The following FAM83H variants were observed in gnomAD, a reference collection of about 807,000 sequenced individuals.
The protein encoded by FAM83H is protein FAM83H.
Under a neutral mutation model 30.2 loss-of-function variants are expected in FAM83H, and 24 were observed. That is an observed-to-expected ratio of 0.79 (90% confidence interval 0.57 to 1.12). FAM83H has a LOEUF of 1.12. Among genes scored for constraint, FAM83H ranks in the 50% most tolerant of loss-of-function variants. The probability of loss-of-function intolerance (pLI) is 0.00; values close to 1 mark genes in which losing one functional copy is unlikely to be tolerated. For missense variants in FAM83H, 2,038 were observed against 1,773.9 expected (o/e 1.15, Z -2.67); for synonymous variants, 1,013 against 821.7 (o/e 1.23, Z -3.98).
rs189033490 is a variant in FAM83H, at chr8:143,729,170, G to A, written c.601C>T (p.Gln201Ter). 2.4e-3 allele frequency: 3,876 copies of A among 1,613,740 alleles called. 7 individuals are homozygous for A. Among genetic ancestry groups the A allele is most frequent in the Non-Finnish European group, 3.0e-3 (3,518 of 1,180,020 alleles). The stretch of plus-strand genomic sequence containing the variant: ...TCCCGGGAACTCACATCCACGTGCT[G>A]CAGGTTGACACGGCACTTGTCGGCC... ...DMADKCRVNL[Q>*]HVDFLRVRTV... Residue 201 changes from glutamine to a stop codon, truncating the protein, a stop_gained, in exon 3 of 5, where the codon CAG becomes TAG. Coordinates refer to ENST00000388913, the MANE Select transcript of FAM83H (RefSeq NM_198488.5). LOFTEE classifies it high-confidence loss of function.
At position 143,728,511 on chromosome 8, in the gene FAM83H, G is replaced by A; in HGVS notation, c.950C>T (p.Pro317Leu). The A allele has an allele frequency of 6.4e-7, 1 of 1,557,796 alleles. No individual in the cohort carries two copies. Among genetic ancestry groups the A allele is most frequent in the South Asian group, 1.2e-5 (1 of 85,190 alleles). The change falls in exon 5 of 5, where the codon CCA becomes CTA. Residue 317 changes from proline to leucine, a missense_variant. Transcript: ENST00000388913. ...TCGTTTAGGGAAGGAGAAGGGGGTTGGCGCCCCGACCCCAGGGACGCCCAC... is the reference window on the plus strand; with the variant it reads ...TCGTTTAGGGAAGGAGAAGGGGGTTAGCGCCCCGACCCCAGGGACGCCCAC... ...PLVGVPGVGA[P>L]TPFSFPKRAH...
At position 143,733,128 on chromosome 8, in the gene FAM83H, G is replaced by C. The variant is rs1346800968; in HGVS notation, c.-16+563C>G. 2 of 154,336 alleles carry C rather than the reference G, an allele frequency of 1.3e-5. No homozygotes were observed. Among genetic ancestry groups the C allele is most frequent in the East Asian group, 3.9e-4 (2 of 5,176 alleles). The allele number at this position is 154,336 out of a possible 1,614,324, so 9.6% of individuals were successfully genotyped here. A position where few individuals can be genotyped will look rare whatever the true frequency, so the allele number is the denominator to read the frequency against. ...ACCGGAAGTCGCTCAGTGATAACTTGCGGAGTGGGCACCCCAGCCCCCAAC... is the reference window on the plus strand; with the variant it reads ...ACCGGAAGTCGCTCAGTGATAACTTCCGGAGTGGGCACCCCAGCCCCCAAC... On this transcript the variant is annotated intron_variant, in intron 1 of 4. Coordinates refer to ENST00000388913, the MANE Select transcript of FAM83H (RefSeq NM_198488.5). This position sits in a 1 kb window ranked among gnomAD's most constrained non-coding sequence, Gnocchi z 5.6.
At position 143,732,958 on chromosome 8, in the gene FAM83H, CTGAG is replaced by C. The variant is rs144672521; in HGVS notation, c.-16+729_-16+732del. 507 of 154,938 alleles carry C rather than the reference CTGAG, an allele frequency of 3.3e-3. 3 individuals carry two copies. Among genetic ancestry groups the C allele is most frequent in the African/African-American group, 0.011 (464 of 41,586 alleles). The allele number at this position is 154,938 out of a possible 1,614,324, so 9.6% of individuals were successfully genotyped here. On this transcript the variant is annotated intron_variant, in intron 1 of 4. Coordinates refer to ENST00000388913, the MANE Select transcript of FAM83H (RefSeq NM_198488.5). ...TCCACCCTGGCAGGAAGTGGGGTTC[CTGAG>C]TATCTGGAAGGAGGACCCCATGGAA...
rs781957914 is a variant in FAM83H at position 143,726,701 on chromosome 8, C to T, written c.2760G>A (p.Pro920=). 6 of 1,603,142 alleles carry T rather than the reference C, an allele frequency of 3.7e-6. No individual in the cohort carries two copies. Among genetic ancestry groups the T allele is most frequent in the East Asian group, 2.2e-5 (1 of 44,720 alleles). Residue 920 remains proline, a synonymous_variant, in exon 5 of 5, where the codon CCG becomes CCA. Transcript: ENST00000388913. ...GGGGCACCGGACTGCTCCTGCGCTC[C>T]GGCACGGGGGGCACCGGACTACCCC... ...ERRGSPVPPV[P]ERRSSPVPPV...
In FAM83H at chr8:143,729,107, A is replaced by T. The variant is rs539991584; in HGVS notation, c.613-16T>A. 4.7e-5 allele frequency: 76 copies of T among 1,613,480 alleles called. No individual in the cohort carries two copies. In the East Asian group the frequency reaches 1.7e-3, roughly 36 times the overall value. On this transcript the variant is annotated splice_polypyrimidine_tract_variant and intron_variant, in intron 3 of 4. Transcript: ENST00000388913. Reference sequence around the variant, plus strand: ...CGCGCAGGAACTGGGGAGGGAGGGGAGTCAGATCTCTCCCACGGGTCCTCC... The same window carrying T: ...CGCGCAGGAACTGGGGAGGGAGGGGTGTCAGATCTCTCCCACGGGTCCTCC...
chr8:143,729,143 A>T lies in FAM83H; in HGVS notation c.612+16T>A. On this transcript the variant is annotated intron_variant, in intron 3 of 4. Transcript: ENST00000388913. Reference sequence around the variant, plus strand: ...TCCCACGGGTCCTCCCCAATCTCCCACTCCCGGGAACTCACATCCACGTGC... The same window carrying T: ...TCCCACGGGTCCTCCCCAATCTCCCTCTCCCGGGAACTCACATCCACGTGC... 1 of 1,613,352 alleles carries T rather than the reference A, an allele frequency of 6.2e-7. No individual in the cohort carries two copies. The highest frequency in any genetic ancestry group is 8.5e-7 in the Non-Finnish European group (1 of 1,179,948).
rs1038350685 is a variant in FAM83H at position 143,725,550 on chromosome 8, C to A, written c.*371G>T. The A allele has an allele frequency of 4.2e-5, 15 of 354,888 alleles. No homozygotes were observed. The highest frequency in any genetic ancestry group is 3.1e-4 in the African/African-American group (15 of 48,086). The allele number at this position is 354,888 out of a possible 1,614,324, so 22.0% of individuals were successfully genotyped here. On this transcript the variant is annotated 3_prime_UTR_variant, in exon 5 of 5. Transcript: ENST00000388913. ...GGCAGAGGTTGCAGTGAGCCCAGAC[C>A]GCTCAACTGCACTCCAGCCCTAGGT...
chr8:143,725,885 G>A lies in FAM83H; in HGVS notation c.*36C>T. On this transcript the variant is annotated 3_prime_UTR_variant, in exon 5 of 5. Coordinates refer to ENST00000388913, the MANE Select transcript of FAM83H (RefSeq NM_198488.5). The stretch of plus-strand genomic sequence containing the variant: ...GCTTCTGGATGACCGGGGCAGCGAT[G>A]CGGGCACCCTGGCCTGGGTTGCCAG... 6.2e-7 allele frequency: 1 copy of A among 1,608,430 alleles called. No individual in the cohort carries two copies. The highest frequency in any genetic ancestry group is 8.5e-7 in the Non-Finnish European group (1 of 1,177,838).
intron 4 of FAM83H, 64 bp downstream of exon 4, chr8:143,728,903 A>C: frequency 6.2e-7 from 1 of 1,611,204 alleles, no homozygotes; most frequent in South Asian, 1.1e-5. Context: ...TGGTGTGGAA[A>C]GGGGGTGCTG....
chr8:143,729,695 G>A (rs782186596), intron 2 of FAM83H, among the ~76,000 whole-genome samples: 10 of 152,216 alleles, frequency 6.6e-5, no homozygotes, highest in Non-Finnish European at 1.2e-4. Context: ...GCCCTGGGAC[G>A]GGGTTGTTGC....
In FAM83H at chr8:143,727,300, G is replaced by A. The variant is rs1554622461; in HGVS notation, c.2161C>T (p.Pro721Ser). The change falls in exon 5 of 5, where the codon CCC becomes TCC. Residue 721 changes from proline (P) to serine (S), a missense_variant. By Grantham distance (74) the Pro-to-Ser change is moderately conservative. Transcript: ENST00000388913. ...GCGGAGCGCACGGCCTCTCCGCCGG[G>A]CCCCAGCGTCTCGCTGACCGTCTGC... is the stretch of plus-strand genomic sequence containing the variant. Reference protein sequence around the residue: ...KEQTVSETLGPGGEAVRSAAS... With the variant: ...KEQTVSETLGSGGEAVRSAAS... 5.2e-6 allele frequency: 8 copies of A among 1,540,172 alleles called. No homozygotes were observed. Among genetic ancestry groups the A allele is most frequent in the Non-Finnish European group, 7.0e-6 (8 of 1,149,186 alleles).
In FAM83H at chr8:143,728,024, G is replaced by C. The variant is rs782354163; in HGVS notation, c.1437C>G (p.Gly479=). ...PQGLFEKLRG[G]RAGFADPDDF... ...CATCCGGGTCCGCGAAACCCGCGCG[G>C]CCCCCGCGAAGCTTCTCGAACAGGC... is the stretch of plus-strand genomic sequence containing the variant. The change falls in exon 5 of 5, where the codon GGC becomes GGG. Residue 479 remains glycine (G), a synonymous_variant. Coordinates refer to ENST00000388913, the MANE Select transcript of FAM83H (RefSeq NM_198488.5). The C allele has an allele frequency of 3.1e-6, 5 of 1,603,998 alleles. No individual in the cohort carries two copies. The South Asian group carries it at 4.4e-5, about 14-fold the overall frequency.
Position 143,726,216 on chromosome 8 carries a change from G to A in FAM83H, c.3245C>T (p.Pro1082Leu), listed in dbSNP as rs1554621630. The A allele has an allele frequency of 1.4e-5, 22 of 1,612,296 alleles. No homozygotes were observed. The highest frequency in any genetic ancestry group is 1.8e-5 in the Non-Finnish European group (21 of 1,179,744). ...ACACTTGTCCTTGTCGGACATATCT[G>A]GGGCCAGGACGCCAGCAGCCGGTGG... The part of the protein sequence containing the change: ...GRPPAAGVLA[P>L]DMSDKDKCSA... The change falls in exon 5 of 5, where the codon CCA (proline) becomes CTA (leucine). Residue 1082 changes from proline (P) to leucine (L), a missense_variant. Coordinates refer to ENST00000388913, the MANE Select transcript of FAM83H (RefSeq NM_198488.5).
In FAM83H at chr8:143,725,156, C is replaced by CGGGGGGGGGGGGGGGGGGGGGG. The variant is rs549881150; in HGVS notation, c.*764_*765insCCCCCCCCCCCCCCCCCCCCCC. 5 of 37,564 alleles carry CGGGGGGGGGGGGGGGGGGGGGG rather than the reference C, an allele frequency of 1.3e-4. No homozygotes were observed. Among genetic ancestry groups the CGGGGGGGGGGGGGGGGGGGGGG allele is most frequent in the Admixed American group, 9.5e-4 (4 of 4,220 alleles). The allele number at this position is 37,564 out of a possible 1,614,324, so 2.3% of individuals were successfully genotyped here. On this transcript the variant is annotated 3_prime_UTR_variant, in exon 5 of 5. Transcript: ENST00000388913. ...AAGCCCAGGCGGGGGAGGGGGGAGACGGGGGGGGGGGGGGGGGAGGGAAGG... is the reference window on the plus strand; with the variant it reads ...AAGCCCAGGCGGGGGAGGGGGGAGACGGGGGGGGGGGGGGGGGGGGGGGGGGGGGGGGGGGGGGGAGGGAAGG...
At position 143,730,528 on chromosome 8, in the gene FAM83H, AC is replaced by A. The variant is rs1554624218; in HGVS notation, c.54del (p.Tyr19ThrfsTer46). On this transcript the variant is annotated frameshift_variant, in exon 2 of 5. Coordinates refer to ENST00000388913, the MANE Select transcript of FAM83H (RefSeq NM_198488.5). LOFTEE classifies it high-confidence loss of function. ...TACTCTTTGTAGTGAGGCGGCAGGT[AC>A]CCGGGTGCCAGTGGGTTGTCCCCCT... Reference protein sequence around the residue: ...SSQGDNPLAPGYLPPHYKEYY... With the variant: ...SSQGDNPLAPXYLPPHYKEYY... 6.3e-7 allele frequency: 1 copy of A among 1,578,298 alleles called. No individual in the cohort carries two copies. Among genetic ancestry groups the A allele is most frequent in the Admixed American group, 1.7e-5 (1 of 58,282 alleles).
chr8:143,729,267 C>T lies in FAM83H; in HGVS notation c.504G>A (p.Leu168=). The T allele has an allele frequency of 1.9e-6, 3 of 1,613,412 alleles. No homozygotes were observed. The highest frequency in any genetic ancestry group is 3.3e-4 in the Middle Eastern group (2 of 6,062). Residue 168 remains leucine (L), a synonymous_variant, in exon 3 of 5, where the codon CTG becomes CTA. Coordinates refer to ENST00000388913, the MANE Select transcript of FAM83H (RefSeq NM_198488.5). ...CTGGGACCCGACGGGCCGCGGCCTC[C>T]AGCACTTCGCTGAGCAGGTCCACAT... ...FTDVDLLSEV[L]EAAARRVPVY... is the part of the protein sequence containing the mutation.
At position 143,729,181 on chromosome 8, in the gene FAM83H, C is replaced by G. The variant is rs368900410; in HGVS notation, c.590G>C (p.Arg197Pro). The G allele has an allele frequency of 2.0e-5, 33 of 1,613,626 alleles. No individual in the cohort carries two copies. The highest frequency in any genetic ancestry group is 2.7e-5 in the Non-Finnish European group (32 of 1,180,038). The change falls in exon 3 of 5, where the codon CGT (arginine) becomes CCT (proline). Residue 197 changes from arginine to proline, a missense_variant. By Grantham distance (103) the Arg-to-Pro change is moderately radical. Coordinates refer to ENST00000388913, the MANE Select transcript of FAM83H (RefSeq NM_198488.5). ...CACATCCACGTGCTGCAGGTTGACA[C>G]GGCACTTGTCGGCCATGTCCAGGAA... ...QHFLDMADKC[R>P]VNLQHVDFLR...
chr8:143,732,624 G>A lies in FAM83H; in HGVS notation c.-16+1067C>T, dbSNP rs1818568082. ...GCCCCCGTGGCCAGGAGCCCTCCCAGCAGACATGCCTCGTCCTCACAGGGT... is the reference window on the plus strand; with the variant it reads ...GCCCCCGTGGCCAGGAGCCCTCCCAACAGACATGCCTCGTCCTCACAGGGT... On this transcript the variant is annotated intron_variant, in intron 1 of 4. Transcript: ENST00000388913. The A allele has an allele frequency of 1.4e-5, 14 of 985,272 alleles. 1 individual carries two copies. Among genetic ancestry groups the A allele is most frequent in the Non-Finnish European group, 1.7e-5 (14 of 829,932 alleles). 61.0% of individuals were successfully genotyped at this position (985,272 alleles called of 1,614,324 possible). A position where few individuals can be genotyped will look rare whatever the true frequency, so the allele number is the denominator to read the frequency against.
intron 1 of FAM83H, chr8:143,731,596 A>T: frequency 1.0e-6 from 1 of 984,978 alleles, no homozygotes; most frequent in Non-Finnish European, 1.2e-6. Flanking sequence ...CCTACCTTTG[A>T]CCTCTTTCTT....
Sources: gnomAD v4.1 joint callset for allele counts (sites outside exome capture counted in the v4.1 genomes callset) on GRCh38, gnomAD v4.1.1 for gene constraint, Gnocchi (gnomAD v3.1) non-coding constraint, MANE v1.5 for transcripts, NCBI Gene and HGNC (gene_info 2026-07-23, HGNC 2026-07-21) for gene names.